The following ATP9B variants were observed in gnomAD, a reference collection of about 807,000 sequenced individuals.
ATP9B encodes the protein probable phospholipid-transporting ATPase IIB.
In ATP9B, 110 loss-of-function variants were observed where a neutral mutation model predicts 146.1. That is an observed-to-expected ratio of 0.75 (90% CI 0.65 to 0.88). The LOEUF is 0.88. Among genes scored for constraint, ATP9B ranks in the 40% least tolerant of loss-of-function variants. The probability of loss-of-function intolerance (pLI) is 0.00; values close to 1 mark genes in which losing one functional copy is unlikely to be tolerated. For synonymous variants in ATP9B, 604 were observed against 569.7 expected, an observed-to-expected ratio of 1.06 and a Z score of -0.86; for missense variants, 1,499 against 1,496.4, an observed-to-expected ratio of 1.00 and a Z score of -0.03.
At chr18:79,222,768 T>C (rs2095692866) in intron 11 of ATP9B, among the ~76,000 whole-genome samples, 1 of 150,296 alleles carries the variant, frequency 6.7e-6, no homozygotes, top group Admixed American at 6.7e-5. Context: ...CAAAAGTTTT[T>C]ATTACTAAGG....
rs376665345 is a variant in ATP9B at position 79,277,075 on chromosome 18, G to T, written c.1290G>T (p.Met430Ile). The T allele has an allele frequency of 4.3e-6, 7 of 1,614,028 alleles. No individual in the cohort carries two copies. The African/African-American group carries it at 9.3e-5, about 22-fold the overall frequency. Reference protein sequence around the residue: ...IPISLRVNLDMGKAVYGWMMM... With the variant: ...IPISLRVNLDIGKAVYGWMMM... The stretch of plus-strand genomic sequence containing the variant: ...GCAGTTTGCGTGTGAACTTGGACAT[G>T]GGCAAAGCGGTGTATGGATGGATGA... The change falls in exon 13 of 30, where the codon ATG becomes ATT. Residue 430 changes from methionine to isoleucine, a missense_variant. Physicochemically the swap from Met to Ile is conservative, Grantham distance 10. Transcript: ENST00000426216.
chr18:79,101,310 A>T (rs755657526), intron 2 of ATP9B, among the ~76,000 whole-genome samples: 8 of 152,070 alleles, frequency 5.3e-5, no homozygotes, highest in Non-Finnish European at 1.0e-4. Flanking sequence ...ATTACTCAAT[A>T]TGTGATACTT....
chr18:79,144,133 C>T (rs2094548369), intron 6 of ATP9B: 1 of 245,112 alleles, frequency 4.1e-6, no homozygotes, highest in East Asian at 7.8e-5. Context: ...TTTATATCAT[C>T]ACAGAATTGT....
intron 17 of ATP9B, among the ~76,000 whole-genome samples, chr18:79,336,368 G>C (rs2096827094): frequency 6.6e-6 from 1 of 152,260 alleles, no homozygotes; most frequent in African/African-American, 2.4e-5. Context: ...GGTGGAGTGT[G>C]CCCCAACTCC....
intron 19 of ATP9B, among the ~76,000 whole-genome samples, chr18:79,341,830 C>T (rs1019356205): frequency 2.6e-5 from 4 of 152,168 alleles, no homozygotes; most frequent in South Asian, 2.1e-4. Flanking sequence ...TTGAAGTTTG[C>T]GTTGCCGATT....
rs375854190 is a variant in ATP9B at position 79,298,391 on chromosome 18, G to A, written c.1412-5213G>A. On this transcript the variant is annotated intron_variant, in intron 13 of 29. Transcript: ENST00000426216. ...CTTGAAAAAAGCGCGGTACTTAGCC[G>A]TGAATCTAATATAAAATGAGTGGGC... Among the ~76,000 whole-genome samples, 408 of 146,318 alleles carry A rather than the reference G, an allele frequency of 2.8e-3. 47 individuals are homozygous for A. Among genetic ancestry groups the A allele is most frequent in the South Asian group, 6.7e-3 (31 of 4,612 alleles).
At chr18:79,231,653 A>G (rs914157610) in intron 11 of ATP9B, among the ~76,000 whole-genome samples, 11 of 152,086 alleles carry the variant, frequency 7.2e-5, no homozygotes, top group African/African-American at 2.2e-4. Flanking sequence ...ACCCAGAGGA[A>G]AAGTCATTGT....
chr18:79,317,944 G>T (rs1030195613), intron 15 of ATP9B, among the ~76,000 whole-genome samples: 1 of 152,248 alleles, frequency 6.6e-6, no homozygotes, highest in Non-Finnish European at 1.5e-5. Flanking sequence ...GCATGGCAGG[G>T]GATGTGTCGG....
chr18:79,137,024 T>C (rs1364738920), intron 5 of ATP9B, among the ~76,000 whole-genome samples: 1 of 152,142 alleles, frequency 6.6e-6, no homozygotes, highest in Admixed American at 6.5e-5. Flanking sequence ...CCACAACATG[T>C]GGGGAGTATA....
chr18:79,239,912 C>T lies in ATP9B; in HGVS notation c.1108-13469C>T, dbSNP rs1405352746. Among the ~76,000 whole-genome samples the T allele has an allele frequency of 6.6e-6, 1 of 152,224 alleles. No homozygotes were observed. Among genetic ancestry groups the T allele is most frequent in the African/African-American group, 2.4e-5 (1 of 41,464 alleles). Reference sequence around the variant, plus strand: ...CGTTCCCAAAGGATGAGCGGAGAGGCTTGCTCTGCCTGCGTCCCCATCAGC... The same window carrying T: ...CGTTCCCAAAGGATGAGCGGAGAGGTTTGCTCTGCCTGCGTCCCCATCAGC... On this transcript the variant is annotated intron_variant, in intron 11 of 29. Transcript: ENST00000426216. The surrounding 1 kb of genome is among the most constrained non-coding windows in gnomAD (Gnocchi z 5.1).
intron 29 of ATP9B, 51 bp from the exon 30 acceptor site, chr18:79,377,195 GC>G (rs1435885477): frequency 2.5e-6 from 4 of 1,602,962 alleles, no homozygotes; most frequent in Non-Finnish European, 3.4e-6. Flanking sequence ...GGCCATGAGG[GC>G]CCAGGACTTC....
At chr18:79,289,567 C>G (rs2096480813) in intron 13 of ATP9B, among the ~76,000 whole-genome samples, 1 of 152,200 alleles carries the variant, frequency 6.6e-6, no homozygotes, top group Non-Finnish European at 1.5e-5. Context: ...CGAATTTCCT[C>G]CTGTAGCTCA....
In ATP9B at chr18:79,221,582, G is replaced by C. The variant is rs568455292; in HGVS notation, c.1107+7544G>C. On this transcript the variant is annotated intron_variant, in intron 11 of 29. Coordinates refer to ENST00000426216, the MANE Select transcript of ATP9B (RefSeq NM_198531.5). ...CAAAAAATACAAAAATTAGCCGGGC[G>C]TGGTGGCGTGTGCCTGTATTCCCAG... 4.6e-5 allele frequency among the ~76,000 whole-genome samples: 7 copies of C among 152,234 alleles called. 1 individual carries two copies. The East Asian group carries it at 9.7e-4, about 21-fold the overall frequency.
intron 15 of ATP9B, among the ~76,000 whole-genome samples, chr18:79,318,079 T>C (rs2096691975): frequency 6.6e-6 from 1 of 152,252 alleles, no homozygotes. Context: ...TCCAAACTGA[T>C]ATGAATAAAT....
intron 4 of ATP9B, 95 bp from the exon 5 acceptor site, chr18:79,126,167 GTAATA>G (rs1166084144): frequency 1.1e-6 from 1 of 891,422 alleles, no homozygotes; most frequent in Admixed American, 2.4e-5. Flanking sequence ...GTTTTAGAGA[GTAATA>G]TAAATTGAAG....
chr18:79,269,572 A>G (rs902405382), intron 12 of ATP9B, among the ~76,000 whole-genome samples: 2 of 151,998 alleles, frequency 1.3e-5, no homozygotes, highest in African/African-American at 2.4e-5. Flanking sequence ...TTTATGTTGT[A>G]TTTTGGTCTT....
intron 1 of ATP9B, among the ~76,000 whole-genome samples, chr18:79,073,085 G>A (rs945933699): frequency 2.0e-5 from 3 of 151,340 alleles, no homozygotes; most frequent in Non-Finnish European, 4.4e-5. Flanking sequence ...GCCAGGCGGA[G>A]ACGCTCCTCA....
chr18:79,234,486 G>A lies in ATP9B; in HGVS notation c.1108-18895G>A, dbSNP rs377255637. Among the ~76,000 whole-genome samples the A allele has an allele frequency of 5.3e-5, 8 of 152,308 alleles. No individual in the cohort carries two copies. The East Asian group carries it at 1.4e-3, about 26-fold the overall frequency. On this transcript the variant is annotated intron_variant, in intron 11 of 29. Coordinates refer to ENST00000426216, the MANE Select transcript of ATP9B (RefSeq NM_198531.5). ...AGGTAGATCGCTGCCTTTGCTCCAC[G>A]AGACTTCTTCCTGCGTGTTCTGCAG...
At chr18:79,249,455 T>G (rs1461354636) in intron 11 of ATP9B, among the ~76,000 whole-genome samples, 1 of 152,232 alleles carries the variant, frequency 6.6e-6, no homozygotes, top group East Asian at 1.9e-4. Flanking sequence ...GAGATGACAA[T>G]GAATGTTGAA....
Sources: allele counts gnomAD v4.1 joint callset (sites outside exome capture counted in the v4.1 genomes callset), GRCh38; gene constraint gnomAD v4.1.1; non-coding constraint Gnocchi (gnomAD v3.1); transcripts MANE v1.5; gene names NCBI Gene and HGNC (gene_info 2026-07-23, HGNC 2026-07-21).